Variants in CTNND2 observed in about 807,000 individuals in gnomAD.
The protein encoded by CTNND2 is catenin delta 2.
A neutral mutation model predicts 144.4 loss-of-function variants in CTNND2; 22 were observed. That is an observed-to-expected ratio of 0.15 (90% CI 0.11 to 0.22). The LOEUF is 0.22. CTNND2 is among the 10% of genes least tolerant of loss of function. The pLI, the probability that CTNND2 is intolerant of heterozygous loss-of-function variation, is 1.00. For missense variants in CTNND2, 1,353 were observed against 1,618.8 expected (o/e 0.84, Z 2.82); for synonymous variants, 751 against 695.6 (o/e 1.08, Z -1.25).
chr5:11,285,717 T>C (rs1747653340), intron 9 of CTNND2, among the ~76,000 whole-genome samples: 1 of 152,114 alleles, frequency 6.6e-6, no homozygotes, highest in South Asian at 2.1e-4. Context: ...TTGCTCCAAT[T>C]CTTACCTCCG....
chr5:11,098,150 T>G (rs1344159534), intron 15 of CTNND2, among the ~76,000 whole-genome samples: 3 of 152,108 alleles, frequency 2.0e-5, no homozygotes, highest in Non-Finnish European at 1.5e-5. Context: ...TCTTTTCTTT[T>G]CTTTTGGGGC....
chr5:11,598,637 A>G (rs995587741), intron 2 of CTNND2, among the ~76,000 whole-genome samples: 1 of 152,168 alleles, frequency 6.6e-6, no homozygotes, highest in South Asian at 2.1e-4. Context: ...GGAAGTGTCT[A>G]TTTCTTATAG....
At chr5:11,607,451 A>G (rs1581599619) in intron 2 of CTNND2, among the ~76,000 whole-genome samples, 1 of 152,200 alleles carries the variant, frequency 6.6e-6, no homozygotes, top group Non-Finnish European at 1.5e-5. Context: ...ATTTTATTAA[A>G]ATGATTACAA....
chr5:11,566,385 ACTT>A (rs947638018), intron 2 of CTNND2, among the ~76,000 whole-genome samples: 21 of 152,230 alleles, frequency 1.4e-4, no homozygotes, highest in Middle Eastern at 3.4e-3. Flanking sequence ...TATGCATCTA[ACTT>A]CTTCTTCTCT....
chr5:11,452,207 T>C lies in CTNND2; in HGVS notation c.288-40138A>G, dbSNP rs186197558. ...ACTGAACATCAATAAAAACGGCAAA[T>C]GCAATTCAATATTTGCTTTTTTTAT... is the stretch of plus-strand genomic sequence containing the variant. On this transcript the variant is annotated intron_variant, in intron 3 of 21. Transcript: ENST00000304623. 5.6e-3 allele frequency among the ~76,000 whole-genome samples: 857 copies of C among 152,316 alleles called. 4 individuals are homozygous for C. The highest frequency in any genetic ancestry group is 0.02 in the African/African-American group (830 of 41,564).
chr5:11,832,908 T>C (rs1793983210), intron 1 of CTNND2, among the ~76,000 whole-genome samples: 2 of 152,136 alleles, frequency 1.3e-5, no homozygotes, highest in African/African-American at 4.8e-5. Flanking sequence ...GCCACTGCAC[T>C]CCAGCCTGGG....
At chr5:11,255,293 A>C (rs767053698) in intron 9 of CTNND2, among the ~76,000 whole-genome samples, 3 of 151,128 alleles carry the variant, frequency 2.0e-5, no homozygotes, top group Non-Finnish European at 3.0e-5. Flanking sequence ...GACTTGTCAC[A>C]TCGGCCCATT....
At chr5:11,330,695 C>T (rs1432352227) in intron 9 of CTNND2, among the ~76,000 whole-genome samples, 1 of 150,248 alleles carries the variant, frequency 6.7e-6, no homozygotes, top group Non-Finnish European at 1.5e-5. Context: ...GCTGGGCATG[C>T]TCACTTGAAC....
At chr5:11,821,834 T>C (rs1793327942) in intron 1 of CTNND2, among the ~76,000 whole-genome samples, 1 of 152,192 alleles carries the variant, frequency 6.6e-6, no homozygotes, top group Non-Finnish European at 1.5e-5. Flanking sequence ...TTTCATTTAC[T>C]AGTGTTATTA....
intron 14 of CTNND2, among the ~76,000 whole-genome samples, chr5:11,108,600 T>C (rs1245844074): frequency 6.6e-6 from 1 of 152,238 alleles, no homozygotes; most frequent in Admixed American, 6.5e-5. Flanking sequence ...TCCTCACCCA[T>C]GCAGACAGAC....
chr5:10,992,425 C>T (rs1738788213), intron 19 of CTNND2, 126 bp downstream of exon 19: 3 of 1,342,640 alleles, frequency 2.2e-6, no homozygotes, highest in South Asian at 2.5e-5. Flanking sequence ...AGATTCATTT[C>T]CTACTTCTAG....
In CTNND2 at chr5:11,897,365, G is replaced by A. The variant is rs12656056; in HGVS notation, c.37+6452C>T. ...CATGCTTAGACTTAAATACAACATCGTATCTATTTAGAAAAGCAATGTTTA... is the reference window on the plus strand; with the variant it reads ...CATGCTTAGACTTAAATACAACATCATATCTATTTAGAAAAGCAATGTTTA... On this transcript the variant is annotated intron_variant, in intron 1 of 21. Coordinates refer to ENST00000304623, the MANE Select transcript of CTNND2 (RefSeq NM_001332.4). Among the ~76,000 whole-genome samples the A allele has an allele frequency of 1.1e-4, 17 of 152,204 alleles. No homozygotes were observed. In the East Asian group the frequency reaches 1.7e-3, roughly 16 times the overall value.
chr5:11,093,011 C>T (rs1471207291), intron 15 of CTNND2, among the ~76,000 whole-genome samples: 2 of 152,204 alleles, frequency 1.3e-5, no homozygotes, highest in East Asian at 3.8e-4. Flanking sequence ...TTGGGGCACA[C>T]GGCCAGAGAT....
At chr5:11,801,092 T>C (rs1303395639) in intron 1 of CTNND2, among the ~76,000 whole-genome samples, 3 of 152,226 alleles carry the variant, frequency 2.0e-5, no homozygotes, top group Non-Finnish European at 4.4e-5. Flanking sequence ...TGTTCTTCCA[T>C]AATTATCTTT....
intron 1 of CTNND2, among the ~76,000 whole-genome samples, chr5:11,803,575 G>A (rs558542856): frequency 6.6e-6 from 1 of 152,276 alleles, no homozygotes; most frequent in South Asian, 2.1e-4. Context: ...AAGAGTCACT[G>A]AATGTTAAGG....
chr5:11,519,800 T>C (rs754708791), intron 3 of CTNND2, among the ~76,000 whole-genome samples: 21 of 151,898 alleles, frequency 1.4e-4, no homozygotes, highest in Admixed American at 2.0e-4. Flanking sequence ...ATCCCTCCTT[T>C]CTGAGAAAAC....
intron 2 of CTNND2, among the ~76,000 whole-genome samples, chr5:11,579,114 T>C (rs1778205826): frequency 6.6e-6 from 1 of 152,126 alleles, no homozygotes; most frequent in South Asian, 2.1e-4. Context: ...AATTTAAACC[T>C]ATCTTCAAGC....
chr5:11,405,560 G>A (rs922298796), intron 5 of CTNND2, among the ~76,000 whole-genome samples: 3 of 151,018 alleles, frequency 2.0e-5, no homozygotes, highest in Non-Finnish European at 4.4e-5. Flanking sequence ...CCAGCCTGGC[G>A]ACAGAGCAGG....
At chr5:11,078,310 G>A (rs532053446) in intron 16 of CTNND2, among the ~76,000 whole-genome samples, 40 of 152,128 alleles carry the variant, frequency 2.6e-4, no homozygotes, top group Non-Finnish European at 5.0e-4. Flanking sequence ...AGCAAAAGTC[G>A]CATTTCCTCT....
Sources: gnomAD v4.1 joint callset for allele counts (sites outside exome capture counted in the v4.1 genomes callset) on GRCh38, gnomAD v4.1.1 for gene constraint, MANE v1.5 for transcripts, NCBI Gene and HGNC (gene_info 2026-07-23, HGNC 2026-07-21) for gene names.